Variants in CARD10 observed in about 807,000 individuals in gnomAD.
CARD10 encodes the protein caspase recruitment domain family member 10.
CARD10 carries 49 observed loss-of-function variants against 114.6 expected under a neutral mutation model. The ratio of observed to expected loss-of-function variants is 0.43; its 90% CI spans 0.34 to 0.54. The LOEUF is 0.54. Among genes scored for constraint, CARD10 ranks in the 20% least tolerant of loss-of-function variants. The probability of loss-of-function intolerance (pLI) is 0.03; values close to 1 mark genes in which losing one functional copy is unlikely to be tolerated. For missense variants in CARD10, 1,206 were observed against 1,397.2 expected (o/e 0.86, Z 2.18); for synonymous variants, 602 against 593.2 (o/e 1.01, Z -0.21).
chr22:37,503,010 C>A (rs1449913365), intron 10 of CARD10, among the ~76,000 whole-genome samples, 175 bp downstream of exon 10: 1 of 152,242 alleles, frequency 6.6e-6, no homozygotes, highest in African/African-American at 2.4e-5. Flanking sequence ...AGGCTGGAAC[C>A]AAAGTCCCCA....
rs1352895818 is a variant in CARD10 at position 37,506,314 on chromosome 22, T to C, written c.1261A>G (p.Lys421Glu). 13 of 1,610,798 alleles carry C rather than the reference T, an allele frequency of 8.1e-6. No individual in the cohort carries two copies. Among genetic ancestry groups the C allele is most frequent in the Non-Finnish European group, 1.1e-5 (13 of 1,178,572 alleles). The change falls in exon 7 of 20, where the codon AAG (lysine) becomes GAG (glutamate). Residue 421 changes from lysine (K) to glutamate (E), a missense_variant. Lys to Glu is a moderately conservative substitution (Grantham distance 56). Around this residue, in one of 2 missense-constraint regions of CARD10, gnomAD observed 1,068 missense variants for 1,179.1 expected, o/e 0.91. Transcript: ENST00000251973. ...TCCGCCTCCAGGCCCCGCACCTGCT[T>C]GCGGTACTGGTCCTTCTCGATGAGG... ...QSLIEKDQYRKQVRGLEAERD... is the reference protein window; with the variant it reads ...QSLIEKDQYREQVRGLEAERD...
At position 37,491,829 on chromosome 22, in the gene CARD10, C is replaced by T; in HGVS notation, c.2790G>A (p.Arg930=). 1 of 1,594,606 alleles carries T rather than the reference C, an allele frequency of 6.3e-7. No homozygotes were observed. The highest frequency in any genetic ancestry group is 8.5e-7 in the Non-Finnish European group (1 of 1,173,092). The part of the protein sequence containing the change: ...CLLELGARGV[R]ELVQNEIYPI... Reference sequence around the variant, plus strand: ...GGTAGATCTCGTTCTGCACCAGCTCCCGCACACCCCGAGCACCCAGCTCCA... The same window carrying T: ...GGTAGATCTCGTTCTGCACCAGCTCTCGCACACCCCGAGCACCCAGCTCCA... Residue 930 remains arginine, a synonymous_variant, in exon 19 of 20, where the codon CGG becomes CGA. Coordinates refer to ENST00000251973, the MANE Select transcript of CARD10 (RefSeq NM_014550.4).
At chr22:37,494,828 C>T (rs1305330681) in intron 15 of CARD10, among the ~76,000 whole-genome samples, 1 of 152,232 alleles carries the variant, frequency 6.6e-6, no homozygotes, top group African/African-American at 2.4e-5. Context: ...CGAATGCAGG[C>T]TGCCTGGCTG....
intron 4 of CARD10, 107 bp downstream of exon 4, chr22:37,510,105 G>T: frequency 2.8e-6 from 2 of 721,964 alleles, no homozygotes; most frequent in Non-Finnish European, 4.2e-6. Context: ...CCTGCTGCAG[G>T]CCTTCCTGAT....
At chr22:37,505,890 C>T (rs1434579807) in intron 7 of CARD10, among the ~76,000 whole-genome samples, 2 of 152,166 alleles carry the variant, frequency 1.3e-5, no homozygotes, top group Admixed American at 1.3e-4. Context: ...TGCACACAGG[C>T]ACTCAGGCAG....
chr22:37,507,690 C>T, intron 6 of CARD10, 139 bp downstream of exon 6: 1 of 1,068,188 alleles, frequency 9.4e-7, no homozygotes, highest in Non-Finnish European at 1.4e-6. Context: ...GTTCCCCCAG[C>T]CTTTGTGCCC....
Position 37,497,082 on chromosome 22 carries a change from C to T in CARD10, c.1884G>A (p.Trp628Ter). The part of the protein sequence containing the change: ...PDGLSFYGDR[W>*]SGAVVRRVLS... ...GCACCCTGCGCACCACAGCCCCAGACCATCTGTCCCCATAAAACGACAGTC... is the reference window on the plus strand; with the variant it reads ...GCACCCTGCGCACCACAGCCCCAGATCATCTGTCCCCATAAAACGACAGTC... The change falls in exon 12 of 20, where the codon TGG becomes TGA. Residue 628 changes from tryptophan to a stop codon, truncating the protein, a stop_gained. Coordinates refer to ENST00000251973, the MANE Select transcript of CARD10 (RefSeq NM_014550.4). LOFTEE classifies it high-confidence loss of function. 2 of 1,614,240 alleles carry T rather than the reference C, an allele frequency of 1.2e-6. No homozygotes were observed. The highest frequency in any genetic ancestry group is 1.7e-6 in the Non-Finnish European group (2 of 1,180,044).
In CARD10 at chr22:37,492,216, C is replaced by T. The variant is rs1402108297; in HGVS notation, c.2751+219G>A. 1.3e-5 allele frequency among the ~76,000 whole-genome samples: 2 copies of T among 152,078 alleles called. No homozygotes were observed. The highest frequency in any genetic ancestry group is 2.4e-5 in the African/African-American group (1 of 41,396). ...GTGTAGGTGAGCTGTGTCAGCCAAA[C>T]ACCTCAAGGGGGGCCCACATGCAGT... is the stretch of plus-strand genomic sequence containing the variant. On this transcript the variant is annotated intron_variant, in intron 18 of 19. Transcript: ENST00000251973. The surrounding 1 kb of genome is among the most constrained non-coding windows in gnomAD (Gnocchi z 5.7).
At chr22:37,505,516 CA>C (rs1170306809) in intron 7 of CARD10, among the ~76,000 whole-genome samples, 2 of 148,426 alleles carry the variant, frequency 1.3e-5, no homozygotes, top group Admixed American at 6.8e-5. Context: ...ACTGAAAATA[CA>C]AAAAAAAACT....
chr22:37,493,968 A>G (rs1214225585), intron 16 of CARD10, 118 bp downstream of exon 16: 3 of 769,068 alleles, frequency 3.9e-6, no homozygotes, highest in Non-Finnish European at 4.6e-6. Flanking sequence ...TCCTGTTGGA[A>G]CCCTCACAAC....
intron 3 of CARD10, among the ~76,000 whole-genome samples, chr22:37,513,963 G>A (rs1039483508): frequency 6.6e-6 from 1 of 152,034 alleles, no homozygotes; most frequent in Non-Finnish European, 1.5e-5. Context: ...AATTAGCCAG[G>A]CATGGTGGCA....
chr22:37,512,704 G>A (rs1923704331), intron 3 of CARD10, among the ~76,000 whole-genome samples: 1 of 152,064 alleles, frequency 6.6e-6, no homozygotes, highest in African/African-American at 2.4e-5. Flanking sequence ...TCAGCAAACC[G>A]CAGCCACACA....
chr22:37,516,490 G>C (rs551876705), intron 2 of CARD10, among the ~76,000 whole-genome samples, 192 bp from the exon 3 acceptor site: 2 of 152,208 alleles, frequency 1.3e-5, no homozygotes, highest in East Asian at 3.9e-4. Context: ...AAAAAAGATG[G>C]ACAAATCCAT....
chr22:37,517,868 T>C, intron 2 of CARD10, 103 bp downstream of exon 2: 15 of 1,418,590 alleles, frequency 1.1e-5, no homozygotes, highest in Non-Finnish European at 1.3e-5. Context: ...CAGTTTCCCT[T>C]ACTGTTCAAC....
At chr22:37,506,085 C>A in intron 7 of CARD10, 107 bp downstream of exon 7, 1 of 872,850 alleles carries the variant, frequency 1.1e-6, no homozygotes, top group East Asian at 3.1e-5. Flanking sequence ...GCTTCCTCCC[C>A]TGGCTGAGGT....
chr22:37,518,128 T>TGTACCCAGGGTCTAGGGGAAGGC lies in CARD10; in HGVS notation c.236-43_236-21dup, dbSNP rs1217773335. ...GGCGCCCTACAGAGTAGTGGGGGGA[T>TGTACCCAGGGTCTAGGGGAAGGC]GTACCCAGGGTCTAGGGGAAGGCCT... On this transcript the variant is annotated intron_variant, in intron 1 of 19. Transcript: ENST00000251973. 1.2e-6 allele frequency: 2 copies of TGTACCCAGGGTCTAGGGGAAGGC among 1,611,042 alleles called. No homozygotes were observed. Among genetic ancestry groups the TGTACCCAGGGTCTAGGGGAAGGC allele is most frequent in the Admixed American group, 3.3e-5 (2 of 59,938 alleles).
rs1468775991 is a variant in CARD10, at chr22:37,493,585, ACTC to A, written c.2476+498_2476+500del. ...CCTCTGTGCCTTCTGCCTGGAACGA[ACTC>A]CTCTTTAACTTTGAAGGCCCCCGCG... On this transcript the variant is annotated intron_variant, in intron 16 of 19. Coordinates refer to ENST00000251973, the MANE Select transcript of CARD10 (RefSeq NM_014550.4). Among the ~76,000 whole-genome samples the A allele has an allele frequency of 7.3e-5, 11 of 151,574 alleles. No homozygotes were observed. The East Asian group carries it at 1.9e-3, about 27-fold the overall frequency.
chr22:37,512,508 C>T (rs953076080), intron 3 of CARD10, among the ~76,000 whole-genome samples: 4 of 150,952 alleles, frequency 2.6e-5, no homozygotes, highest in African/African-American at 9.8e-5. Flanking sequence ...CACACACACA[C>T]ACACACACAC....
intron 3 of CARD10, chr22:37,514,488 T>A (rs1219013077): frequency 6.6e-6 from 1 of 152,318 alleles, no homozygotes; most frequent in Non-Finnish European, 1.5e-5. Flanking sequence ...AACGATAGCC[T>A]CAAGGTCATC....
Sources: allele counts gnomAD v4.1 joint callset (sites outside exome capture counted in the v4.1 genomes callset), GRCh38; gene constraint gnomAD v4.1.1; regional missense constraint gnomAD v4.1.1; non-coding constraint Gnocchi (gnomAD v3.1); transcripts MANE v1.5; gene names NCBI Gene and HGNC (gene_info 2026-07-23, HGNC 2026-07-21).